TTC17: variants seen among roughly 807,000 people sequenced by gnomAD.
TTC17 encodes the protein tetratricopeptide repeat domain 17.
A neutral mutation model predicts 143.8 loss-of-function variants in TTC17; 58 were observed. The ratio of observed to expected loss-of-function variants is 0.40; its 90% CI spans 0.33 to 0.50. The LOEUF is 0.50. Ranked by LOEUF, TTC17 falls within the 20% of genes least tolerant of loss-of-function variation. TTC17 has a pLI of 0.49. For missense variants in TTC17, 1,273 were observed against 1,392.5 expected, an observed-to-expected ratio of 0.91 and a Z score of 1.37; for synonymous variants, 501 against 497.8, an observed-to-expected ratio of 1.01 and a Z score of -0.09.
Position 43,449,793 on chromosome 11 carries a change from G to T in TTC17, c.2787-289G>T, listed in dbSNP as rs547405323. 7.3e-5 allele frequency: 24 copies of T among 328,064 alleles called. No homozygotes were observed. In the Middle Eastern group the frequency reaches 2.7e-3, roughly 38 times the overall value. The allele number at this position is 328,064 out of a possible 1,614,324, so 20.3% of individuals were successfully genotyped here. A position where few individuals can be genotyped will look rare whatever the true frequency, so the allele number is the denominator to read the frequency against. On this transcript the variant is annotated intron_variant, in intron 19 of 23. Coordinates refer to ENST00000039989, the MANE Select transcript of TTC17 (RefSeq NM_018259.6). ...ACAATGTACGGCTGTATCTCTATAAGATTTACTGTCTAAGCTTTAGGTAAC... is the reference window on the plus strand; with the variant it reads ...ACAATGTACGGCTGTATCTCTATAATATTTACTGTCTAAGCTTTAGGTAAC...
chr11:43,455,248 T>G (rs1188090264), intron 21 of TTC17, among the ~76,000 whole-genome samples: 1 of 151,742 alleles, frequency 6.6e-6, no homozygotes, highest in Non-Finnish European at 1.5e-5. Context: ...AAAACAGTTT[T>G]CAGAGAAATT....
chr11:43,451,463 T>C (rs1009700130), intron 21 of TTC17, among the ~76,000 whole-genome samples, 198 bp downstream of exon 21: 3 of 152,228 alleles, frequency 2.0e-5, no homozygotes, highest in Non-Finnish European at 4.4e-5. Flanking sequence ...TTCTGTCTCT[T>C]TGCCTGCTTT....
intron 16 of TTC17, among the ~76,000 whole-genome samples, chr11:43,428,947 A>G (rs981517963): frequency 3.3e-5 from 5 of 152,228 alleles, no homozygotes; most frequent in Non-Finnish European, 5.9e-5. Context: ...CAGTCAGCAC[A>G]TAACCATTAT....
In TTC17 at chr11:43,448,097, C is replaced by A. The variant is rs1353984608; in HGVS notation, c.2761C>A (p.Leu921Ile). ...VELTAIVSTW[L>I]AVSSKNIDIT... ...GCTGACTGCCATCGTGAGTACCTGGCTTGCAGTTTCTTCAAAAAACATTGA... is the reference window on the plus strand; with the variant it reads ...GCTGACTGCCATCGTGAGTACCTGGATTGCAGTTTCTTCAAAAAACATTGA... Residue 921 changes from leucine (L) to isoleucine (I), a missense_variant, in exon 19 of 24, where the codon CTT becomes ATT. Leu to Ile is a conservative substitution (Grantham distance 5, BLOSUM62 2). This residue lies in a region of TTC17 where 878 missense variants were observed against 899.8 expected (regional missense o/e 0.98). Coordinates refer to ENST00000039989, the MANE Select transcript of TTC17 (RefSeq NM_018259.6). The A allele has an allele frequency of 6.2e-7, 1 of 1,614,146 alleles. No individual in the cohort carries two copies.
At chr11:43,425,553 G>A (rs1181310080) in intron 16 of TTC17, among the ~76,000 whole-genome samples, 1 of 152,026 alleles carries the variant, frequency 6.6e-6, no homozygotes, top group East Asian at 1.9e-4. Context: ...TCAGTTCCAT[G>A]GTCTGATGGA....
At chr11:43,360,240 G>A (rs1856044267) in intron 1 of TTC17, among the ~76,000 whole-genome samples, 1 of 152,166 alleles carries the variant, frequency 6.6e-6, no homozygotes, top group Non-Finnish European at 1.5e-5. Flanking sequence ...CTAAAAATCC[G>A]CCTAGGTATT....
intron 21 of TTC17, among the ~76,000 whole-genome samples, chr11:43,471,660 C>G (rs1948095149): frequency 6.6e-6 from 1 of 152,130 alleles, no homozygotes; most frequent in South Asian, 2.1e-4. Context: ...GATCAACTTC[C>G]CATGAGTATT....
chr11:43,388,090 C>G (rs1007128602), intron 2 of TTC17, among the ~76,000 whole-genome samples: 6 of 152,054 alleles, frequency 3.9e-5, no homozygotes, highest in African/African-American at 1.4e-4. Flanking sequence ...TCTGCCCTTG[C>G]TAGAATTTTT....
chr11:43,465,055 T>G (rs894265343), intron 21 of TTC17, among the ~76,000 whole-genome samples: 1 of 152,232 alleles, frequency 6.6e-6, no homozygotes, highest in Non-Finnish European at 1.5e-5. Flanking sequence ...GGATTTCATT[T>G]GGAAAGTCTG....
Position 43,451,203 on chromosome 11 carries a change from G to C in TTC17, c.2968G>C (p.Asp990His), listed in dbSNP as rs754246334. The change falls in exon 21 of 24, where the codon GAC becomes CAC. Residue 990 changes from aspartate (D) to histidine (H), a missense_variant. Transcript: ENST00000039989. ...LTEVLQNLGK[D>H]QYPQQSLEQI... ...CCAGGTATTACAAAATCTCGGCAAA[G>C]ACCAATATCCACAACAGTCGCTTGA... 1.2e-6 allele frequency: 2 copies of C among 1,613,616 alleles called. No homozygotes were observed. The highest frequency in any genetic ancestry group is 4.5e-5 in the East Asian group (2 of 44,874).
intron 16 of TTC17, among the ~76,000 whole-genome samples, chr11:43,428,876 G>C (rs1405426239): frequency 6.6e-6 from 1 of 152,122 alleles, no homozygotes; most frequent in Non-Finnish European, 1.5e-5. Flanking sequence ...CACCAGGAGA[G>C]AGTGCTGATT....
intron 1 of TTC17, among the ~76,000 whole-genome samples, chr11:43,373,124 A>T (rs1372810699): frequency 1.3e-5 from 2 of 152,050 alleles, no homozygotes; most frequent in African/African-American, 2.4e-5. Flanking sequence ...TTTCTCCTTC[A>T]TATTGTCTAT....
intron 23 of TTC17, among the ~76,000 whole-genome samples, 185 bp from the exon 24 acceptor site, chr11:43,493,588 C>T (rs183289335): frequency 6.6e-6 from 1 of 152,214 alleles, no homozygotes; most frequent in East Asian, 1.9e-4. Flanking sequence ...TCCCATACCT[C>T]GGGAATGAAG....
intron 7 of TTC17, 74 bp from the exon 8 acceptor site, chr11:43,397,900 C>A: frequency 7.6e-7 from 1 of 1,314,064 alleles, no homozygotes; most frequent in Non-Finnish European, 1.0e-6. Flanking sequence ...ATTTTTTTTT[C>A]CGTGTGTGTG....
chr11:43,464,339 G>A (rs1444996554), intron 21 of TTC17, among the ~76,000 whole-genome samples: 1 of 151,350 alleles, frequency 6.6e-6, no homozygotes, highest in Non-Finnish European at 1.5e-5. Context: ...AATTTTAAGT[G>A]GATCAGAGAT....
intron 16 of TTC17, among the ~76,000 whole-genome samples, chr11:43,427,082 C>T (rs1947046469): frequency 6.6e-6 from 1 of 152,118 alleles, no homozygotes; most frequent in Admixed American, 6.5e-5. Flanking sequence ...ATATTTTAAA[C>T]TTTGGTTTAA....
At chr11:43,453,465 ATACT>A (rs1225026637) in intron 21 of TTC17, among the ~76,000 whole-genome samples, 2 of 152,192 alleles carry the variant, frequency 1.3e-5, no homozygotes, top group African/African-American at 2.4e-5. Context: ...CATATTTAGA[ATACT>A]TAAAGAATAA....
At chr11:43,463,469 G>T (rs1947910810) in intron 21 of TTC17, among the ~76,000 whole-genome samples, 1 of 151,012 alleles carries the variant, frequency 6.6e-6, no homozygotes, top group Non-Finnish European at 1.5e-5. Flanking sequence ...TAAAAAAACA[G>T]AAGTTGTAAG....
At position 43,364,047 on chromosome 11, in the gene TTC17, CTTTTTT is replaced by C. The variant is rs71308379; in HGVS notation, c.159+4955_159+4960del. 1.3e-4 allele frequency among the ~76,000 whole-genome samples: 12 copies of C among 94,456 alleles called. 1 individual carries two copies. Among genetic ancestry groups the C allele is most frequent in the African/African-American group, 3.9e-4 (10 of 25,358 alleles). 62.0% of individuals were successfully genotyped at this position (94,456 alleles called of 152,430 possible). A position where few individuals can be genotyped will look rare whatever the true frequency, so the allele number is the denominator to read the frequency against. On this transcript the variant is annotated intron_variant, in intron 1 of 23. Transcript: ENST00000039989. Reference sequence around the variant, plus strand: ...CCGGTATCTTCGGAGTACAGATCCTCTTTTTTTTTTTTTTTTTTTTTTTTTTGAGAC... The same window carrying C: ...CCGGTATCTTCGGAGTACAGATCCTCTTTTTTTTTTTTTTTTTTTTGAGAC...
Sources: gnomAD v4.1 joint callset for allele counts (sites outside exome capture counted in the v4.1 genomes callset) on GRCh38, gnomAD v4.1.1 for gene constraint, gnomAD v4.1.1 regional missense constraint, MANE v1.5 for transcripts, NCBI Gene and HGNC (gene_info 2026-07-23, HGNC 2026-07-21) for gene names.